TSHZ2: variants seen among roughly 807,000 people sequenced by gnomAD.
TSHZ2 encodes the protein teashirt zinc finger homeobox 2, also known as teashirt homolog 2.
In TSHZ2, 21 loss-of-function variants were observed where a neutral mutation model predicts 74.4. The ratio of observed to expected loss-of-function variants is 0.28; its 90% CI spans 0.20 to 0.41. TSHZ2 has a LOEUF of 0.41. Ranked by LOEUF, TSHZ2 falls within the 10% of genes least tolerant of loss-of-function variation. The probability of loss-of-function intolerance (pLI) is 1.00; values close to 1 mark genes in which losing one functional copy is unlikely to be tolerated. For missense variants in TSHZ2, 1,244 were observed against 1,293.5 expected (o/e 0.96, Z 0.59); for synonymous variants, 540 against 515.3 (o/e 1.05, Z -0.65).
intron 1 of TSHZ2, among the ~76,000 whole-genome samples, chr20:53,087,456 AT>A (rs1985733095): frequency 6.6e-6 from 1 of 152,212 alleles, no homozygotes; most frequent in African/African-American, 2.4e-5. Context: ...CAGTCGGCTC[AT>A]GAGAACTCAG....
At chr20:53,451,246 C>T (rs928726715) in intron 2 of TSHZ2, among the ~76,000 whole-genome samples, 4 of 152,174 alleles carry the variant, frequency 2.6e-5, no homozygotes, top group South Asian at 2.1e-4. Flanking sequence ...ATAACTCTCT[C>T]GATCTCAAAG....
At chr20:53,232,967 A>G (rs1196780229) in intron 1 of TSHZ2, among the ~76,000 whole-genome samples, 1 of 152,206 alleles carries the variant, frequency 6.6e-6, no homozygotes, top group East Asian at 1.9e-4. Context: ...TAGAATTTCT[A>G]TTTTATACTT....
intron 1 of TSHZ2, among the ~76,000 whole-genome samples, chr20:52,984,553 G>C (rs979137419): frequency 6.6e-6 from 1 of 152,174 alleles, no homozygotes; most frequent in African/African-American, 2.4e-5. Flanking sequence ...TGGGAAACTG[G>C]GTGGCCGGAG....
chr20:53,344,895 A>C (rs1164866295), intron 2 of TSHZ2, among the ~76,000 whole-genome samples: 1 of 152,216 alleles, frequency 6.6e-6, no homozygotes, highest in East Asian at 1.9e-4. Flanking sequence ...ACCTCCTATG[A>C]GCCAAGAAGT....
chr20:53,214,852 T>C (rs1989397808), intron 1 of TSHZ2, among the ~76,000 whole-genome samples: 2 of 152,174 alleles, frequency 1.3e-5, no homozygotes, highest in African/African-American at 4.8e-5. Flanking sequence ...TTATAATTAA[T>C]CTAAGAAGGA....
chr20:53,189,278 A>G (rs1237820549), intron 1 of TSHZ2, among the ~76,000 whole-genome samples: 1 of 152,200 alleles, frequency 6.6e-6, no homozygotes, highest in Admixed American at 6.5e-5. Flanking sequence ...TGCAAGAAGC[A>G]GGTAGATGAC....
At chr20:53,441,348 C>T (rs1236552918) in intron 2 of TSHZ2, among the ~76,000 whole-genome samples, 1 of 151,614 alleles carries the variant, frequency 6.6e-6, no homozygotes, top group Non-Finnish European at 1.5e-5. Context: ...TCACTGCAAG[C>T]TCCACCTCCT....
At chr20:53,248,864 A>G (rs1441432851) in intron 1 of TSHZ2, among the ~76,000 whole-genome samples, 2 of 152,100 alleles carry the variant, frequency 1.3e-5, no homozygotes, top group Non-Finnish European at 2.9e-5. Flanking sequence ...TTTTAGACAG[A>G]GTTGCACTCT....
intron 2 of TSHZ2, among the ~76,000 whole-genome samples, chr20:53,403,031 C>T (rs1982724890): frequency 6.6e-6 from 1 of 152,166 alleles, no homozygotes; most frequent in African/African-American, 2.4e-5. Context: ...CAGTACCCAA[C>T]AGGTAGTTTG....
chr20:53,089,461 C>T (rs6091633), intron 1 of TSHZ2, among the ~76,000 whole-genome samples: 11,256 of 151,086 alleles, frequency 0.075, 972 homozygotes, highest in African/African-American at 0.21. Context: ...AGCTGGTCTT[C>T]GTAAGTCCAT....
intron 1 of TSHZ2, among the ~76,000 whole-genome samples, chr20:53,072,692 C>T (rs1985212909): frequency 6.6e-6 from 1 of 152,234 alleles, no homozygotes; most frequent in Non-Finnish European, 1.5e-5. Flanking sequence ...TGACACCATC[C>T]CTAGAAGGTT....
chr20:53,116,517 C>T (rs991508116), intron 1 of TSHZ2, among the ~76,000 whole-genome samples: 6 of 152,190 alleles, frequency 3.9e-5, no homozygotes, highest in African/African-American at 9.6e-5. Flanking sequence ...ACGGCTGGTA[C>T]ACAAGCCATT....
chr20:53,142,780 A>G (rs1987436421), intron 1 of TSHZ2, among the ~76,000 whole-genome samples: 3 of 151,832 alleles, frequency 2.0e-5, no homozygotes, highest in African/African-American at 7.3e-5. Flanking sequence ...GGCCATTGAG[A>G]GGTCCTCTAA....
chr20:53,008,807 G>A (rs1982738787), intron 1 of TSHZ2, among the ~76,000 whole-genome samples: 2 of 152,038 alleles, frequency 1.3e-5, no homozygotes, highest in African/African-American at 2.4e-5. Context: ...TCCAGTAGAT[G>A]CCTGAAACCT....
chr20:53,324,921 C>A (rs1015837172), intron 2 of TSHZ2, among the ~76,000 whole-genome samples: 1 of 152,200 alleles, frequency 6.6e-6, no homozygotes, highest in Admixed American at 6.5e-5. Flanking sequence ...TATTTGTAAG[C>A]TAACAAATAG....
chr20:53,013,344 T>G (rs1412402949), intron 1 of TSHZ2, among the ~76,000 whole-genome samples: 1 of 152,116 alleles, frequency 6.6e-6, no homozygotes, highest in Non-Finnish European at 1.5e-5. Context: ...CAATGGTTTC[T>G]GAGCTCGAGC....
At chr20:53,217,617 CA>C (rs964480537) in intron 1 of TSHZ2, among the ~76,000 whole-genome samples, 15 of 152,118 alleles carry the variant, frequency 9.9e-5, no homozygotes, top group African/African-American at 3.6e-4. Context: ...CTAGAGGAGG[CA>C]AAAGCGGTAA....
intron 2 of TSHZ2, among the ~76,000 whole-genome samples, chr20:53,410,474 T>A (rs1376995847): frequency 2.0e-5 from 3 of 152,092 alleles, no homozygotes; most frequent in African/African-American, 7.2e-5. Context: ...ACAAAATCGG[T>A]GGAGGAGGAG....
intron 2 of TSHZ2, among the ~76,000 whole-genome samples, chr20:53,257,527 T>C (rs937052105): frequency 6.6e-6 from 1 of 152,240 alleles, no homozygotes; most frequent in African/African-American, 2.4e-5. Flanking sequence ...GTCAAATGCT[T>C]TGGCAGATTA....
Sources: allele counts gnomAD v4.1 joint callset (sites outside exome capture counted in the v4.1 genomes callset), GRCh38; gene constraint gnomAD v4.1.1; transcripts MANE v1.5; gene names NCBI Gene and HGNC (gene_info 2026-07-23, HGNC 2026-07-21).